The following MMP16 variants were observed in gnomAD, a reference collection of about 807,000 sequenced individuals.
MMP16 encodes the protein matrix metallopeptidase 16.
In MMP16, 12 loss-of-function variants were observed where a neutral mutation model predicts 67.8. That is an observed-to-expected ratio of 0.18 (90% CI 0.11 to 0.29). The LOEUF is 0.29. Ranked by LOEUF, MMP16 falls within the 10% of genes least tolerant of loss-of-function variation. The pLI, the probability that MMP16 is intolerant of heterozygous loss-of-function variation, is 1.00. For missense variants in MMP16, 475 were observed against 765.7 expected (o/e 0.62, Z 4.48); for synonymous variants, 249 against 255.9 (o/e 0.97, Z 0.26).
chr8:88,167,337 A>C (rs1039890244), intron 4 of MMP16, among the ~76,000 whole-genome samples: 5 of 152,216 alleles, frequency 3.3e-5, no homozygotes, highest in Admixed American at 2.0e-4. Flanking sequence ...AAAAAACAGC[A>C]GAATTTTCTT....
chr8:88,050,074 C>G (rs1425289874), intron 8 of MMP16, among the ~76,000 whole-genome samples: 1 of 152,078 alleles, frequency 6.6e-6, no homozygotes, highest in Non-Finnish European at 1.5e-5. Flanking sequence ...GTAATTCCAC[C>G]ACTTTGGGAG....
intron 1 of MMP16, among the ~76,000 whole-genome samples, chr8:88,317,592 C>T (rs1468655718): frequency 6.6e-6 from 1 of 152,068 alleles, no homozygotes; most frequent in Non-Finnish European, 1.5e-5. Flanking sequence ...ACCAAACCAG[C>T]AATATCTCTG....
chr8:88,137,137 G>T (rs1808133108), intron 4 of MMP16, among the ~76,000 whole-genome samples: 1 of 151,958 alleles, frequency 6.6e-6, no homozygotes, highest in Admixed American at 6.6e-5. Flanking sequence ...TAATGATGTT[G>T]ACAAATTTTC....
At chr8:88,181,023 TAGAG>T (rs1345260136) in intron 3 of MMP16, among the ~76,000 whole-genome samples, 1 of 152,132 alleles carries the variant, frequency 6.6e-6, no homozygotes, top group Non-Finnish European at 1.5e-5. Context: ...AAACTAAGAA[TAGAG>T]AGAGACTTCT....
intron 6 of MMP16, among the ~76,000 whole-genome samples, chr8:88,091,933 A>G (rs1242411590): frequency 6.6e-6 from 1 of 151,850 alleles, no homozygotes; most frequent in Admixed American, 6.6e-5. Flanking sequence ...GCTCTATTGA[A>G]TAGCCTTGCT....
intron 1 of MMP16, among the ~76,000 whole-genome samples, chr8:88,272,663 G>A (rs150851840): frequency 8.6e-4 from 131 of 152,288 alleles, no homozygotes; most frequent in African/African-American, 3.0e-3. Flanking sequence ...CACAAGGAAC[G>A]GGAAAGTGGC....
Position 88,189,710 on chromosome 8 carries a change from C to T in MMP16, c.282-3112G>A, listed in dbSNP as rs577886287. Among the ~76,000 whole-genome samples, 4 of 152,278 alleles carry T rather than the reference C, an allele frequency of 2.6e-5. No homozygotes were observed. The South Asian group carries it at 8.3e-4, about 32-fold the overall frequency. On this transcript the variant is annotated intron_variant, in intron 2 of 9. Coordinates refer to ENST00000286614, the MANE Select transcript of MMP16 (RefSeq NM_005941.5). ...CCTACAGAACCAAACCTCTTCCTGC[C>T]CTTATATGCAATGACCTCTGTCTGG...
rs141515648 is a variant in MMP16, at chr8:88,156,464, G to A, written c.709+11205C>T. Among the ~76,000 whole-genome samples the A allele has an allele frequency of 9.8e-3, 1,491 of 152,130 alleles. 25 individuals are homozygous for A. Among genetic ancestry groups the A allele is most frequent in the South Asian group, 0.031 (147 of 4,814 alleles). ...AGTCAACAGACTTAGGGAGGAGGGC[G>A]GGGGTTCTGGCAATTCTTGATTTCA... On this transcript the variant is annotated intron_variant, in intron 4 of 9. Transcript: ENST00000286614.
chr8:88,118,151 C>G (rs1481037470), intron 5 of MMP16, among the ~76,000 whole-genome samples: 1 of 151,912 alleles, frequency 6.6e-6, no homozygotes, highest in African/African-American at 2.4e-5. Context: ...AATTTCACTC[C>G]CTTGTTTGTT....
chr8:88,244,139 C>G (rs749187948), intron 1 of MMP16, among the ~76,000 whole-genome samples: 11 of 151,884 alleles, frequency 7.2e-5, no homozygotes, highest in African/African-American at 1.2e-4. Flanking sequence ...TAATCACAAA[C>G]GGTTCTTTGG....
At chr8:88,145,701 A>T (rs931150824) in intron 4 of MMP16, among the ~76,000 whole-genome samples, 1 of 151,992 alleles carries the variant, frequency 6.6e-6, no homozygotes, top group Non-Finnish European at 1.5e-5. Context: ...GTCACTAACT[A>T]ACTTCAACAA....
intron 6 of MMP16, among the ~76,000 whole-genome samples, chr8:88,091,690 TC>T (rs1181621743): frequency 6.6e-6 from 1 of 151,864 alleles, no homozygotes; most frequent in Middle Eastern, 3.2e-3. Flanking sequence ...AAAGAAGTAA[TC>T]AATTAATACG....
chr8:88,302,191 C>G (rs1563589340), intron 1 of MMP16, among the ~76,000 whole-genome samples: 1 of 152,212 alleles, frequency 6.6e-6, no homozygotes, highest in Non-Finnish European at 1.5e-5. Flanking sequence ...AAGATCCTAG[C>G]ATGGAAAATA....
intron 6 of MMP16, 137 bp from the exon 7 acceptor site, chr8:88,074,880 T>A: frequency 8.7e-7 from 1 of 1,152,684 alleles, no homozygotes; most frequent in Non-Finnish European, 1.2e-6. Context: ...GAGAAAGAGC[T>A]AAACAACTTG....
intron 3 of MMP16, among the ~76,000 whole-genome samples, chr8:88,181,264 G>T (rs970007795): frequency 8.6e-5 from 13 of 151,934 alleles, no homozygotes; most frequent in African/African-American, 3.1e-4. Flanking sequence ...GTTTACAGAT[G>T]ATATATCCTC....
At chr8:88,202,502 A>G (rs773748692) in intron 1 of MMP16, among the ~76,000 whole-genome samples, 2 of 152,152 alleles carry the variant, frequency 1.3e-5, no homozygotes, top group African/African-American at 2.4e-5. Flanking sequence ...CCCTTACCTG[A>G]AATTCCATTA....
intron 1 of MMP16, among the ~76,000 whole-genome samples, chr8:88,281,305 T>C (rs1357811018): frequency 3.3e-5 from 5 of 152,206 alleles, no homozygotes; most frequent in Admixed American, 6.5e-5. Flanking sequence ...ACAAAAAGCA[T>C]TGGCTCATAG....
At chr8:88,227,638 A>T (rs1809791525) in intron 1 of MMP16, among the ~76,000 whole-genome samples, 1 of 151,906 alleles carries the variant, frequency 6.6e-6, no homozygotes, top group South Asian at 2.1e-4. Context: ...GCAAGGGCCC[A>T]CTCTAGTATC....
At chr8:88,049,169 C>T (rs1358121904) in intron 8 of MMP16, among the ~76,000 whole-genome samples, 1 of 152,164 alleles carries the variant, frequency 6.6e-6, no homozygotes, top group South Asian at 2.1e-4. Flanking sequence ...GAAATAGCTT[C>T]ATGGAGAAGC....
Sources: allele counts gnomAD v4.1 joint callset (sites outside exome capture counted in the v4.1 genomes callset), GRCh38; gene constraint gnomAD v4.1.1; transcripts MANE v1.5; gene names NCBI Gene and HGNC (gene_info 2026-07-23, HGNC 2026-07-21).